KIRREL3: variants seen among roughly 807,000 people sequenced by gnomAD.
The protein encoded by KIRREL3 is kirre like nephrin family adhesion molecule 3.
In KIRREL3, 36 loss-of-function variants were observed where a neutral mutation model predicts 89.7. The ratio of observed to expected loss-of-function variants is 0.40; its 90% CI spans 0.31 to 0.53. The LOEUF (loss-of-function observed/expected upper bound fraction) is 0.53, where lower values mean the gene tolerates loss of function less well. KIRREL3 is among the 20% of genes least tolerant of loss of function. The probability of loss-of-function intolerance (pLI) is 0.49; values close to 1 mark genes in which losing one functional copy is unlikely to be tolerated. For synonymous variants in KIRREL3, 445 were observed against 441.4 expected, an observed-to-expected ratio of 1.01 and a Z score of -0.10; for missense variants, 864 against 1,056.6, an observed-to-expected ratio of 0.82 and a Z score of 2.53.
At chr11:126,923,876 T>C (rs2135010622) in intron 1 of KIRREL3, among the ~76,000 whole-genome samples, 1 of 152,330 alleles carries the variant, frequency 6.6e-6, no homozygotes, top group African/African-American at 2.4e-5. Flanking sequence ...CTTAGAGGCT[T>C]CATAAGTAAT....
At position 126,424,343 on chromosome 11, in the gene KIRREL3, C is replaced by G; in HGVS notation, c.*237G>C. On this transcript the variant is annotated 3_prime_UTR_variant, in exon 17 of 17. Coordinates refer to ENST00000525144, the MANE Select transcript of KIRREL3 (RefSeq NM_032531.4). ...CACGGGTGTCCAGCACTAAGCACAG[C>G]GCACTCAGCCGCAGCCTCTGTCTGT... is the stretch of plus-strand genomic sequence containing the variant. 1 of 554,642 alleles carries G rather than the reference C, an allele frequency of 1.8e-6. No individual in the cohort carries two copies. Among genetic ancestry groups the G allele is most frequent in the South Asian group, 2.0e-5 (1 of 48,972 alleles). 34.4% of individuals were successfully genotyped at this position (554,642 alleles called of 1,614,324 possible).
intron 2 of KIRREL3, chr11:126,543,975 C>G (rs1291350776): frequency 6.6e-6 from 1 of 152,470 alleles, no homozygotes; most frequent in East Asian, 1.9e-4. Context: ...CCAGCCGGTA[C>G]CTGCTAGGCC....
intron 4 of KIRREL3, among the ~76,000 whole-genome samples, chr11:126,487,646 A>G (rs1354189645): frequency 3.3e-5 from 5 of 152,176 alleles, no homozygotes; most frequent in Non-Finnish European, 7.4e-5. Context: ...AAAGGGCAAT[A>G]TTTTTAGAAC....
In KIRREL3 at chr11:126,605,232, C is replaced by T. The variant is rs745982311; in HGVS notation, c.56-42320G>A. Among the ~76,000 whole-genome samples, 1 of 152,194 alleles carries T rather than the reference C, an allele frequency of 6.6e-6. No homozygotes were observed. Among genetic ancestry groups the T allele is most frequent in the Non-Finnish European group, 1.5e-5 (1 of 68,038 alleles). Reference sequence around the variant, plus strand: ...CGACTCCTGGGATCTTACCAAGTCACATTTGCAGTTGGTGCCTCCTTAGTC... The same window carrying T: ...CGACTCCTGGGATCTTACCAAGTCATATTTGCAGTTGGTGCCTCCTTAGTC... On this transcript the variant is annotated intron_variant, in intron 1 of 16. Transcript: ENST00000525144. The surrounding 1 kb of genome is among the most constrained non-coding windows in gnomAD (Gnocchi z 5.7).
At position 126,668,069 on chromosome 11, in the gene KIRREL3, G is replaced by A. The variant is rs1945745746; in HGVS notation, c.56-105157C>T. Reference sequence around the variant, plus strand: ...ATAAGGGGTTGATAGCTGAGCCCCTGTGTCTTAGTCAGTTTCGGCTATAAC... The same window carrying A: ...ATAAGGGGTTGATAGCTGAGCCCCTATGTCTTAGTCAGTTTCGGCTATAAC... On this transcript the variant is annotated intron_variant, in intron 1 of 16. Transcript: ENST00000525144. The surrounding 1 kb of genome is among the most constrained non-coding windows in gnomAD (Gnocchi z 4.4). 6.6e-6 allele frequency among the ~76,000 whole-genome samples: 1 copy of A among 152,180 alleles called. No homozygotes were observed. Among genetic ancestry groups the A allele is most frequent in the Non-Finnish European group, 1.5e-5 (1 of 68,036 alleles).
At position 126,424,367 on chromosome 11, in the gene KIRREL3, G is replaced by C; in HGVS notation, c.*213C>G. 2.0e-6 allele frequency: 1 copy of C among 496,138 alleles called. No individual in the cohort carries two copies. The highest frequency in any genetic ancestry group is 2.0e-5 in the South Asian group (1 of 49,250). 30.7% of individuals were successfully genotyped at this position (496,138 alleles called of 1,614,324 possible). ...GCGCACTCAGCCGCAGCCTCTGTCTGTCTCCCCACCCGCCCACCTCTGGCA... is the reference window on the plus strand; with the variant it reads ...GCGCACTCAGCCGCAGCCTCTGTCTCTCTCCCCACCCGCCCACCTCTGGCA... On this transcript the variant is annotated 3_prime_UTR_variant, in exon 17 of 17. Coordinates refer to ENST00000525144, the MANE Select transcript of KIRREL3 (RefSeq NM_032531.4).
intron 5 of KIRREL3, among the ~76,000 whole-genome samples, chr11:126,467,194 A>T (rs1227142833): frequency 6.6e-6 from 1 of 152,176 alleles, no homozygotes; most frequent in Non-Finnish European, 1.5e-5. Context: ...GCGGGGCCCC[A>T]GGTTCTCTCT....
rs193241607 is a variant in KIRREL3, at chr11:126,725,559, C to T, written c.56-162647G>A. ...CGCTCATCCCCAAGCTGGCTGTCCCCGTTTTCTTCTGAGTGTGTTTGTGTG... is the reference window on the plus strand; with the variant it reads ...CGCTCATCCCCAAGCTGGCTGTCCCTGTTTTCTTCTGAGTGTGTTTGTGTG... On this transcript the variant is annotated intron_variant, in intron 1 of 16. Transcript: ENST00000525144. 2.6e-5 allele frequency among the ~76,000 whole-genome samples: 4 copies of T among 152,356 alleles called. No homozygotes were observed. The East Asian group carries it at 5.8e-4, about 22-fold the overall frequency.
chr11:126,445,547 T>G (rs1955755365), intron 9 of KIRREL3, among the ~76,000 whole-genome samples: 2 of 152,198 alleles, frequency 1.3e-5, no homozygotes, highest in South Asian at 4.1e-4. Context: ...CAGAGTCATT[T>G]TCAGGATCCC....
intron 13 of KIRREL3, among the ~76,000 whole-genome samples, chr11:126,434,352 G>A (rs1955242353): frequency 6.6e-6 from 1 of 152,264 alleles, no homozygotes; most frequent in African/African-American, 2.4e-5. Context: ...ACCACCCTCA[G>A]CACTAGCATG....
chr11:126,472,300 C>T (rs1231270342), intron 5 of KIRREL3, among the ~76,000 whole-genome samples: 2 of 152,196 alleles, frequency 1.3e-5, no homozygotes, highest in Non-Finnish European at 2.9e-5. Flanking sequence ...AAACCACAGA[C>T]ATTTATTTCT....
At chr11:126,472,437 C>T (rs913685809) in intron 5 of KIRREL3, among the ~76,000 whole-genome samples, 3 of 152,148 alleles carry the variant, frequency 2.0e-5, no homozygotes, top group African/African-American at 7.2e-5. Flanking sequence ...AAGGGGTCTC[C>T]CTCAGGCCTC....
At chr11:126,921,389 TTGTATCTA>T (rs892513776) in intron 1 of KIRREL3, among the ~76,000 whole-genome samples, 13 of 137,136 alleles carry the variant, frequency 9.5e-5, no homozygotes, top group African/African-American at 3.5e-4. Context: ...TCATCCTGTC[TTGTATCTA>T]TCTATCTATC....
At chr11:126,884,745 G>T (rs1335354727) in intron 1 of KIRREL3, among the ~76,000 whole-genome samples, 1 of 152,142 alleles carries the variant, frequency 6.6e-6, no homozygotes. Flanking sequence ...GATTTGCCAA[G>T]ATTGTGGAAG....
rs1946778495 is a variant in KIRREL3, at chr11:126,689,045, AGAG to A, written c.56-126136_56-126134del. On this transcript the variant is annotated intron_variant, in intron 1 of 16. Transcript: ENST00000525144. The surrounding 1 kb of genome is among the most constrained non-coding windows in gnomAD (Gnocchi z 5.2). The stretch of plus-strand genomic sequence containing the variant: ...TGTGTGTGTGTAAGGGGGAGAGAAG[AGAG>A]AGAGAGAGAGAGAGAGAGAGAGAGA... Among the ~76,000 whole-genome samples, 2 of 108,284 alleles carry A rather than the reference AGAG, an allele frequency of 1.8e-5. No individual in the cohort carries two copies. Among genetic ancestry groups the A allele is most frequent in the African/African-American group, 8.8e-5 (2 of 22,736 alleles). 71.0% of individuals were successfully genotyped at this position (108,284 alleles called of 152,430 possible). A position where few individuals can be genotyped will look rare whatever the true frequency, so the allele number is the denominator to read the frequency against.
intron 1 of KIRREL3, among the ~76,000 whole-genome samples, chr11:126,862,075 G>A (rs927211441): frequency 7.2e-5 from 11 of 152,226 alleles, no homozygotes; most frequent in African/African-American, 1.9e-4. Context: ...GAGTGAAGGC[G>A]TTCCATGCTG....
rs1330037260 is a variant in KIRREL3, at chr11:126,764,247, G to A, written c.56-201335C>T. Among the ~76,000 whole-genome samples, 1 of 152,154 alleles carries A rather than the reference G, an allele frequency of 6.6e-6. No individual in the cohort carries two copies. The highest frequency in any genetic ancestry group is 1.5e-5 in the Non-Finnish European group (1 of 68,030). On this transcript the variant is annotated intron_variant, in intron 1 of 16. Coordinates refer to ENST00000525144, the MANE Select transcript of KIRREL3 (RefSeq NM_032531.4). The surrounding 1 kb of genome is among the most constrained non-coding windows in gnomAD (Gnocchi z 4.2). ...CAGACAGCAGGTCGCTCTGGTCAAT[G>A]GGCCCACGGCAGCACCCACTGTCTT... is the stretch of plus-strand genomic sequence containing the variant.
chr11:126,471,392 A>AAATAAAAT lies in KIRREL3; in HGVS notation c.591+1916_591+1917insATTTTATT, dbSNP rs1456526839. ...TCTCAAAATAAATAAATAAATAAAT[A>AAATAAAAT]AAATAAATAAAAAATAAAAAAAGAA... On this transcript the variant is annotated intron_variant, in intron 5 of 16. Coordinates refer to ENST00000525144, the MANE Select transcript of KIRREL3 (RefSeq NM_032531.4). The surrounding 1 kb of genome is among the most constrained non-coding windows in gnomAD (Gnocchi z 5.4). Among the ~76,000 whole-genome samples, 1 of 147,372 alleles carries AAATAAAAT rather than the reference A, an allele frequency of 6.8e-6. No individual in the cohort carries two copies. Among genetic ancestry groups the AAATAAAAT allele is most frequent in the Non-Finnish European group, 1.5e-5 (1 of 66,414 alleles).
In KIRREL3 at chr11:126,558,213, A is replaced by G. The variant is rs1023634372; in HGVS notation, c.133+4622T>C. On this transcript the variant is annotated intron_variant, in intron 2 of 16. Transcript: ENST00000525144. The surrounding 1 kb of genome is among the most constrained non-coding windows in gnomAD (Gnocchi z 4.0). ...CCTCTGCTTCTTCCCTCCTTTAAAT[A>G]TCCTCTTCCTCATTTCCCCTTCTCA... Among the ~76,000 whole-genome samples, 3 of 151,922 alleles carry G rather than the reference A, an allele frequency of 2.0e-5. No individual in the cohort carries two copies. Among genetic ancestry groups the G allele is most frequent in the Non-Finnish European group, 4.4e-5 (3 of 67,992 alleles).
Sources: allele counts gnomAD v4.1 joint callset (sites outside exome capture counted in the v4.1 genomes callset), GRCh38; gene constraint gnomAD v4.1.1; non-coding constraint Gnocchi (gnomAD v3.1); transcripts MANE v1.5; gene names NCBI Gene and HGNC (gene_info 2026-07-23, HGNC 2026-07-21).